The following PTPRN2 variants were observed in gnomAD, a reference collection of about 807,000 sequenced individuals.
PTPRN2 encodes the protein protein tyrosine phosphatase receptor type N2, also known as receptor-type tyrosine-protein phosphatase N2.
A neutral mutation model predicts 118.8 loss-of-function variants in PTPRN2; 74 were observed. That is an observed-to-expected ratio of 0.62 (90% CI 0.52 to 0.76). PTPRN2 has a LOEUF of 0.76. PTPRN2 is among the 30% of genes least tolerant of loss of function. PTPRN2 has a pLI of 0.00. For synonymous variants in PTPRN2, 641 were observed against 608.0 expected (o/e 1.05, Z -0.80); for missense variants, 1,481 against 1,394.4 (o/e 1.06, Z -0.99).
chr7:157,785,828 T>C lies in PTPRN2; in HGVS notation c.1789-102891A>G, dbSNP rs1167623249. Among the ~76,000 whole-genome samples, 1 of 152,128 alleles carries C rather than the reference T, an allele frequency of 6.6e-6. No homozygotes were observed. Among genetic ancestry groups the C allele is most frequent in the Non-Finnish European group, 1.5e-5 (1 of 68,010 alleles). On this transcript the variant is annotated intron_variant, in intron 12 of 22. Transcript: ENST00000389418. The surrounding 1 kb of genome is among the most constrained non-coding windows in gnomAD (Gnocchi z 7.3). ...ACGCGCAGGGGGCCCAGCTGAAGCC[T>C]GCGTTTTCCCTTCTGCACAACAGCG... is the stretch of plus-strand genomic sequence containing the variant.
intron 3 of PTPRN2, among the ~76,000 whole-genome samples, chr7:158,238,076 C>A (rs944658247): frequency 6.6e-6 from 1 of 152,160 alleles, no homozygotes; most frequent in East Asian, 1.9e-4. Context: ...AGTGCAGCCG[C>A]GGCCTCCTGC....
At chr7:157,885,344 C>A (rs998488824) in intron 12 of PTPRN2, among the ~76,000 whole-genome samples, 1 of 152,210 alleles carries the variant, frequency 6.6e-6, no homozygotes, top group Non-Finnish European at 1.5e-5. Context: ...TGGGCCTGGG[C>A]TGGGGGCATT....
At chr7:158,428,472 A>C (rs2129427524) in intron 2 of PTPRN2, among the ~76,000 whole-genome samples, 1 of 152,332 alleles carries the variant, frequency 6.6e-6, no homozygotes, top group African/African-American at 2.4e-5. Context: ...ATCTGAGGAA[A>C]CGGCTGCTGG....
At chr7:158,108,472 C>T (rs182199124) in intron 10 of PTPRN2, among the ~76,000 whole-genome samples, 16 of 152,312 alleles carry the variant, frequency 1.1e-4, no homozygotes, top group East Asian at 9.7e-4. Context: ...GCCTGCCCAC[C>T]GGACCACCCC....
intron 6 of PTPRN2, among the ~76,000 whole-genome samples, chr7:158,146,168 G>C (rs935333839): frequency 6.6e-6 from 1 of 152,124 alleles, no homozygotes; most frequent in Non-Finnish European, 1.5e-5. Context: ...CACAGTCAGA[G>C]AGCCCCTTAG....
At chr7:158,020,660 G>C (rs1366624916) in intron 11 of PTPRN2, among the ~76,000 whole-genome samples, 1 of 152,200 alleles carries the variant, frequency 6.6e-6, no homozygotes, top group Non-Finnish European at 1.5e-5. Context: ...CTCCTCTGAC[G>C]TGGCTGTCTC....
At position 158,574,659 on chromosome 7, in the gene PTPRN2, A is replaced by T. The variant is rs73512222; in HGVS notation, c.112+12899T>A. 7.9e-3 allele frequency among the ~76,000 whole-genome samples: 1,200 copies of T among 152,358 alleles called. 16 individuals are homozygous for T. Among genetic ancestry groups the T allele is most frequent in the African/African-American group, 0.027 (1,126 of 41,594 alleles). ...GGCAGTTACTCTAGCCAGAACTGGA[A>T]GGTGGCATGGAAGGGGCCAATACTT... On this transcript the variant is annotated intron_variant, in intron 1 of 22. Transcript: ENST00000389418. The surrounding 1 kb of genome is among the most constrained non-coding windows in gnomAD (Gnocchi z 4.6).
At chr7:158,161,238 A>G (rs557307312) in intron 6 of PTPRN2, among the ~76,000 whole-genome samples, 13 of 152,338 alleles carry the variant, frequency 8.5e-5, no homozygotes, top group Non-Finnish European at 1.3e-4. Context: ...GTTTATATGT[A>G]GAGGCGAGTG....
At chr7:158,498,967 G>A (rs762334642) in intron 1 of PTPRN2, among the ~76,000 whole-genome samples, 14 of 152,196 alleles carry the variant, frequency 9.2e-5, no homozygotes, top group Non-Finnish European at 1.8e-4. Context: ...GTGAACTTTA[G>A]ACATGTGGTA....
intron 12 of PTPRN2, among the ~76,000 whole-genome samples, chr7:157,828,826 T>G (rs1807357776): frequency 6.6e-6 from 1 of 152,230 alleles, no homozygotes; most frequent in African/African-American, 2.4e-5. Flanking sequence ...TAGTGGAGAA[T>G]TTTAACAACG....
At chr7:158,101,285 T>C (rs1286758603) in intron 10 of PTPRN2, among the ~76,000 whole-genome samples, 1 of 152,120 alleles carries the variant, frequency 6.6e-6, no homozygotes, top group Non-Finnish European at 1.5e-5. Flanking sequence ...GACACTCTAG[T>C]CAAAAATGGT....
intron 20 of PTPRN2, 122 bp downstream of exon 20, chr7:157,571,318 C>T: frequency 2.7e-6 from 2 of 745,514 alleles, no homozygotes; most frequent in Non-Finnish European, 4.3e-6. Context: ...TTTTGGTTTC[C>T]TTTAGAAGTG....
chr7:158,303,675 A>G (rs1035069048), intron 3 of PTPRN2, among the ~76,000 whole-genome samples: 2 of 152,264 alleles, frequency 1.3e-5, no homozygotes, highest in African/African-American at 2.4e-5. Flanking sequence ...TCATGGAAGA[A>G]AATAAATATG....
At chr7:157,888,222 T>G (rs1315813214) in intron 12 of PTPRN2, among the ~76,000 whole-genome samples, 1 of 151,744 alleles carries the variant, frequency 6.6e-6, no homozygotes, top group Non-Finnish European at 1.5e-5. Flanking sequence ...GGTTCAGTGG[T>G]CCCCCCAGGC....
chr7:158,131,618 C>G (rs549236245), intron 9 of PTPRN2, among the ~76,000 whole-genome samples: 1 of 151,330 alleles, frequency 6.6e-6, no homozygotes, highest in Admixed American at 6.6e-5. Flanking sequence ...CAATACACAT[C>G]TACCCGACAT....
intron 3 of PTPRN2, among the ~76,000 whole-genome samples, chr7:158,283,465 A>G (rs927161410): frequency 2.0e-5 from 3 of 152,200 alleles, no homozygotes; most frequent in Non-Finnish European, 4.4e-5. Flanking sequence ...GCTTCTCAGT[A>G]GAACCAGGGG....
chr7:158,264,190 C>T (rs1337671268), intron 3 of PTPRN2, among the ~76,000 whole-genome samples: 1 of 152,206 alleles, frequency 6.6e-6, no homozygotes, highest in Non-Finnish European at 1.5e-5. Context: ...GCAGAATGAG[C>T]CTCTGTTTAG....
intron 3 of PTPRN2, among the ~76,000 whole-genome samples, chr7:158,248,526 A>C (rs1461431617): frequency 6.6e-6 from 1 of 152,170 alleles, no homozygotes; most frequent in East Asian, 1.9e-4. Context: ...AAACACTCCC[A>C]CACACACCCC....
chr7:158,290,365 C>G (rs1294833392), intron 3 of PTPRN2, among the ~76,000 whole-genome samples: 4 of 152,026 alleles, frequency 2.6e-5, no homozygotes, highest in Non-Finnish European at 5.9e-5. Context: ...GTCTGCTAAC[C>G]ATGGAGCTGC....
Sources: allele counts gnomAD v4.1 joint callset (sites outside exome capture counted in the v4.1 genomes callset), GRCh38; gene constraint gnomAD v4.1.1; non-coding constraint Gnocchi (gnomAD v3.1); transcripts MANE v1.5; gene names NCBI Gene and HGNC (gene_info 2026-07-23, HGNC 2026-07-21).